The following PCNT variants were observed in gnomAD, a reference collection of about 807,000 sequenced individuals.
PCNT encodes the protein kendrin.
Under a neutral mutation model 380.4 loss-of-function variants are expected in PCNT, and 319 were observed. The ratio of observed to expected loss-of-function variants is 0.84; its 90% CI spans 0.77 to 0.92. PCNT has a LOEUF of 0.92. Among genes scored for constraint, PCNT ranks in the 40% least tolerant of loss-of-function variants. The pLI is 0.00. For missense variants in PCNT, 4,400 were observed against 4,255.3 expected (o/e 1.03, Z -0.95); for synonymous variants, 1,845 against 1,735.2 (o/e 1.06, Z -1.57).
At chr21:46,393,290 C>T (rs1233287341) in intron 21 of PCNT, among the ~76,000 whole-genome samples, 2 of 152,188 alleles carry the variant, frequency 1.3e-5, no homozygotes, top group Non-Finnish European at 2.9e-5. Context: ...CTTTGACGCC[C>T]TCGTTTTCCT....
chr21:46,432,319 C>T (rs746703802), intron 38 of PCNT, 104 bp downstream of exon 38: 4 of 1,121,238 alleles, frequency 3.6e-6, no homozygotes, highest in Non-Finnish European at 5.2e-6. Flanking sequence ...GGCCCTCTGA[C>T]CTGGTCTGCT....
chr21:46,381,706 A>AGTGAAAAGAAAACTGCTTTGC lies in PCNT; in HGVS notation c.3179_3199dup (p.Leu1066_His1067insArgGluLysLysThrAlaLeu), dbSNP rs1363262432. The AGTGAAAAGAAAACTGCTTTGC allele has an allele frequency of 6.2e-6, 10 of 1,613,760 alleles. No individual in the cohort carries two copies. The highest frequency in any genetic ancestry group is 8.5e-6 in the Non-Finnish European group (10 of 1,179,736). On this transcript the variant is annotated inframe_insertion, in exon 16 of 47. Transcript: ENST00000359568. ...TTGATGTGTACAGGGTGAATTTGGA[A>AGTGAAAAGAAAACTGCTTTGC]GTGAAAAGAAAACTGCTTTGCATGA...
chr21:46,353,636 C>T (rs2084356634), intron 10 of PCNT, among the ~76,000 whole-genome samples: 1 of 150,288 alleles, frequency 6.7e-6, no homozygotes, highest in Non-Finnish European at 1.5e-5. Flanking sequence ...TTGTCCAGGC[C>T]TGCGTGTGTG....
chr21:46,339,613 T>C (rs1251746771), intron 3 of PCNT, among the ~76,000 whole-genome samples: 1 of 152,182 alleles, frequency 6.6e-6, no homozygotes, highest in African/African-American at 2.4e-5. Flanking sequence ...CAGTCTAGTC[T>C]AGTCCTTCCA....
At chr21:46,439,889 C>T (rs1457802279) in intron 41 of PCNT, among the ~76,000 whole-genome samples, 194 bp from the exon 42 acceptor site, 1 of 152,220 alleles carries the variant, frequency 6.6e-6, no homozygotes, top group African/African-American at 2.4e-5. Flanking sequence ...CATGTTAATT[C>T]TTTGGCTGAT....
At chr21:46,433,383 C>CA (rs367687424) in intron 38 of PCNT, among the ~76,000 whole-genome samples, 9 of 151,744 alleles carry the variant, frequency 5.9e-5, no homozygotes, top group African/African-American at 2.2e-4. Context: ...GACTCCATCT[C>CA]AAAAAAACAA....
chr21:46,425,675 T>C lies in PCNT; in HGVS notation c.7180-156T>C, dbSNP rs2087462991. Among the ~76,000 whole-genome samples the C allele has an allele frequency of 6.6e-6, 1 of 152,180 alleles. No homozygotes were observed. The highest frequency in any genetic ancestry group is 2.4e-5 in the African/African-American group (1 of 41,444). ...CTTGAAAACCTTGTAGCTTGAGAAG[T>C]GGGTGCCGCCTGTACGAAGCCGAGG... On this transcript the variant is annotated intron_variant, in intron 32 of 46. Transcript: ENST00000359568. The surrounding 1 kb of genome is among the most constrained non-coding windows in gnomAD (Gnocchi z 4.2).
At chr21:46,423,569 T>G (rs1052186648) in intron 32 of PCNT, among the ~76,000 whole-genome samples, 4 of 151,100 alleles carry the variant, frequency 2.6e-5, no homozygotes, top group Non-Finnish European at 4.4e-5. Context: ...ATATTAGAAT[T>G]CCTGATTTTT....
intron 29 of PCNT, among the ~76,000 whole-genome samples, chr21:46,414,965 A>G (rs1418288716): frequency 6.6e-6 from 1 of 152,184 alleles, no homozygotes. Context: ...TGAAACCCAG[A>G]GGCTCTAACA....
rs2087458483 is a variant in PCNT at position 46,425,547 on chromosome 21, G to T, written c.7180-284G>T. 6.6e-6 allele frequency among the ~76,000 whole-genome samples: 1 copy of T among 152,256 alleles called. No individual in the cohort carries two copies. The highest frequency in any genetic ancestry group is 1.5e-5 in the Non-Finnish European group (1 of 68,044). On this transcript the variant is annotated intron_variant, in intron 32 of 46. Transcript: ENST00000359568. The surrounding 1 kb of genome is among the most constrained non-coding windows in gnomAD (Gnocchi z 4.2). ...GGACGGTGTCCCCCTCAGGGAGCAGGTGGAGTGGAGGAAGTGGCGGGGCCA... is the reference window on the plus strand; with the variant it reads ...GGACGGTGTCCCCCTCAGGGAGCAGTTGGAGTGGAGGAAGTGGCGGGGCCA...
intron 31 of PCNT, among the ~76,000 whole-genome samples, chr21:46,419,420 C>G (rs2147812818): frequency 6.6e-6 from 1 of 152,330 alleles, no homozygotes; most frequent in African/African-American, 2.4e-5. Context: ...TTTTCAAACT[C>G]TATTTGCTGT....
chr21:46,368,686 A>G lies in PCNT; in HGVS notation c.3165+1547A>G, dbSNP rs904287554. ...AATAGATGAGTCTGCTCTGTTGAGC[A>G]TGTGGAGCCACTGGGGCTGGCCTAT... is the stretch of plus-strand genomic sequence containing the variant. On this transcript the variant is annotated intron_variant, in intron 15 of 46. Transcript: ENST00000359568. Among the ~76,000 whole-genome samples the G allele has an allele frequency of 2.0e-5, 3 of 152,224 alleles. No individual in the cohort carries two copies. The East Asian group carries it at 5.8e-4, about 29-fold the overall frequency.
intron 12 of PCNT, 66 bp downstream of exon 12, chr21:46,355,692 C>G: frequency 6.5e-7 from 1 of 1,533,518 alleles, no homozygotes; most frequent in South Asian, 1.1e-5. Flanking sequence ...CTCGGGGAGC[C>G]TGGGTGCCTG....
At chr21:46,373,213 C>T (rs762471362) in intron 15 of PCNT, among the ~76,000 whole-genome samples, 1 of 152,002 alleles carries the variant, frequency 6.6e-6, no homozygotes, top group African/African-American at 2.4e-5. Flanking sequence ...GATGGGGTCT[C>T]ACTGTGTTGC....
At chr21:46,416,882 A>G (rs1473777469) in intron 30 of PCNT, 43 bp downstream of exon 30, 5 of 1,588,512 alleles carry the variant, frequency 3.1e-6, no homozygotes, top group Non-Finnish European at 4.3e-6. Flanking sequence ...TCCCGTGGGA[A>G]TGTGGTCTGC....
intron 10 of PCNT, 79 bp from the exon 11 acceptor site, chr21:46,353,908 G>T (rs1048944113): frequency 1.0e-5 from 13 of 1,249,108 alleles, no homozygotes; most frequent in African/African-American, 1.5e-5. Context: ...GCTGTGAGCA[G>T]TCGGTCCTGG....
intron 15 of PCNT, among the ~76,000 whole-genome samples, chr21:46,379,493 TTTA>T (rs1290943448): frequency 1.3e-5 from 2 of 152,128 alleles, no homozygotes; most frequent in African/African-American, 2.4e-5. Flanking sequence ...GATTATTATT[TTTA>T]TTATTATTGT....
rs369257031 is a variant in PCNT at position 46,391,353 on chromosome 21, C to T, written c.4193C>T (p.Thr1398Met). ...TGGAGTCGGGGGGAGGCCACAGCCA[C>T]GGACGCCGAGGCCAGAGAAGCTGGT... ...RLWSRGEATA[T>M]DAEAREAALR... The change falls in exon 21 of 47, where the codon ACG (threonine) becomes ATG (methionine). Residue 1398 changes from threonine to methionine, a missense_variant. Physicochemically the swap from Thr to Met is moderately conservative, Grantham distance 81 (BLOSUM62 -1). Coordinates refer to ENST00000359568, the MANE Select transcript of PCNT (RefSeq NM_006031.6). 213 of 1,551,948 alleles carry T rather than the reference C, an allele frequency of 1.4e-4. No individual in the cohort carries two copies. Among genetic ancestry groups the T allele is most frequent in the Non-Finnish European group, 1.7e-4 (197 of 1,147,656 alleles).
chr21:46,434,663 A>T (rs1601197048), intron 38 of PCNT, among the ~76,000 whole-genome samples: 1 of 152,322 alleles, frequency 6.6e-6, no homozygotes, highest in East Asian at 1.9e-4. Context: ...CGGGCACCAG[A>T]CATGGCCTGT....
Sources: allele counts gnomAD v4.1 joint callset (sites outside exome capture counted in the v4.1 genomes callset), GRCh38; gene constraint gnomAD v4.1.1; non-coding constraint Gnocchi (gnomAD v3.1); transcripts MANE v1.5; gene names NCBI Gene and HGNC (gene_info 2026-07-23, HGNC 2026-07-21).